Variants in SLC41A3 observed in about 807,000 individuals in gnomAD.
SLC41A3 encodes the protein solute carrier family 41 member 3, also known as SLC41A1-like 2.
In SLC41A3, 44 loss-of-function variants were observed where a neutral mutation model predicts 45.4. The observed-to-expected ratio is 0.97, with a 90% confidence interval of 0.76 to 1.25. The LOEUF is 1.25. Among genes scored for constraint, SLC41A3 ranks in the 50% most tolerant of loss-of-function variants. The pLI is 0.00. For missense variants in SLC41A3, 550 were observed against 600.6 expected (o/e 0.92, Z 0.88); for synonymous variants, 256 against 252.4 (o/e 1.01, Z -0.13).
chr3:126,024,911 G>A lies in SLC41A3; in HGVS notation c.598+1424C>T, dbSNP rs528455385. 4 of 152,322 alleles carry A rather than the reference G, an allele frequency of 2.6e-5. No individual in the cohort carries two copies. In the South Asian group the frequency reaches 6.2e-4, roughly 24 times the overall value. The allele number at this position is 152,322 out of a possible 1,614,324, so 9.4% of individuals were successfully genotyped here. ...GTTCCCATCAGTGGAAATGCCTGTC[G>A]GGTGTGGGGAGAGACAGTACACACA... is the stretch of plus-strand genomic sequence containing the variant. On this transcript the variant is annotated intron_variant, in intron 5 of 10. Transcript: ENST00000360370.
At chr3:126,027,652 G>A (rs891013030) in intron 4 of SLC41A3, among the ~76,000 whole-genome samples, 7 of 152,138 alleles carry the variant, frequency 4.6e-5, no homozygotes, top group African/African-American at 1.4e-4. Context: ...AGCAGAGGGT[G>A]GAAGAGTTTG....
intron 8 of SLC41A3, among the ~76,000 whole-genome samples, chr3:126,013,284 G>T (rs1939911281): frequency 6.6e-6 from 1 of 151,996 alleles, no homozygotes; most frequent in Non-Finnish European, 1.5e-5. Flanking sequence ...AGGGGGCCAG[G>T]CATGGTGGCT....
At chr3:126,073,357 C>G (rs1235942997) in intron 1 of SLC41A3, 1 of 152,150 alleles carries the variant, frequency 6.6e-6, no homozygotes, top group Non-Finnish European at 1.5e-5. Context: ...GGCGCTTGAG[C>G]GTGGGAGGCG....
intron 6 of SLC41A3, among the ~76,000 whole-genome samples, chr3:126,022,299 C>T (rs1940954746): frequency 1.3e-5 from 2 of 152,212 alleles, no homozygotes; most frequent in Non-Finnish European, 2.9e-5. Context: ...CAGTAACACC[C>T]TACTTCTCAG....
rs1033723519 is a variant in SLC41A3, at chr3:126,096,835, T to C, written c.-79+4594A>G. ...ACACCTCTGTATTTCTGTGTGTGTG[T>C]AATTCCTCTAATGCTGCTGGGTTAG... On this transcript the variant is annotated intron_variant, in intron 1 of 9. Coordinates refer to the SLC41A3 transcript ENST00000508835. Among the ~76,000 whole-genome samples the C allele has an allele frequency of 2.0e-5, 3 of 152,342 alleles. No individual in the cohort carries two copies. The South Asian group carries it at 6.2e-4, about 32-fold the overall frequency.
chr3:126,060,480 G>A (rs1195817248), intron 2 of SLC41A3, among the ~76,000 whole-genome samples: 1 of 117,432 alleles, frequency 8.5e-6, no homozygotes, highest in African/African-American at 3.3e-5. Flanking sequence ...ACAGTGAAAC[G>A]TTCAGAAGGA....
At chr3:126,039,874 G>A (rs576644419) in intron 3 of SLC41A3, among the ~76,000 whole-genome samples, 18 of 152,300 alleles carry the variant, frequency 1.2e-4, no homozygotes, top group Admixed American at 2.6e-4. Flanking sequence ...ACATACATAC[G>A]TTTCCTAGTT....
chr3:126,030,871 G>T (rs566428629), intron 4 of SLC41A3, among the ~76,000 whole-genome samples: 1 of 152,156 alleles, frequency 6.6e-6, no homozygotes, highest in African/African-American at 2.4e-5. Context: ...CATTGAAGGG[G>T]GTCAATGTTG....
intron 1 of SLC41A3, among the ~76,000 whole-genome samples, chr3:126,091,952 C>A (rs1576387394): frequency 6.6e-6 from 1 of 152,288 alleles, no homozygotes; most frequent in Non-Finnish European, 1.5e-5. Flanking sequence ...TGAGGCACAT[C>A]CAACTCTCCT....
At chr3:126,077,231 T>G (rs1239708487) in intron 1 of SLC41A3, among the ~76,000 whole-genome samples, 2 of 151,728 alleles carry the variant, frequency 1.3e-5, no homozygotes, top group African/African-American at 4.8e-5. Context: ...ATACAAAAAA[T>G]TAGCCAGGTG....
At chr3:126,012,241 T>C (rs1939786873) in intron 9 of SLC41A3, among the ~76,000 whole-genome samples, 1 of 152,174 alleles carries the variant, frequency 6.6e-6, no homozygotes, top group Non-Finnish European at 1.5e-5. Context: ...TTATCCCAAG[T>C]GTATTTCCTC....
chr3:126,069,691 G>A (rs1661557605), intron 1 of SLC41A3, among the ~76,000 whole-genome samples: 1 of 152,060 alleles, frequency 6.6e-6, no homozygotes, highest in Non-Finnish European at 1.5e-5. Flanking sequence ...TATGTTCCAA[G>A]AACTTAAGAA....
intron 4 of SLC41A3, among the ~76,000 whole-genome samples, chr3:126,030,832 C>A (rs780929165): frequency 3.3e-5 from 5 of 152,242 alleles, no homozygotes; most frequent in Admixed American, 3.3e-4. Flanking sequence ...TACATATTGA[C>A]AAGTATGTGA....
rs749869890 is a variant in SLC41A3, at chr3:126,022,908, A to G, written c.623T>C (p.Ile208Thr). 12 of 1,614,100 alleles carry G rather than the reference A, an allele frequency of 7.4e-6. No individual in the cohort carries two copies. The highest frequency in any genetic ancestry group is 3.3e-5 in the South Asian group (3 of 91,088). The stretch of plus-strand genomic sequence containing the variant: ...GTTGACCCCGAGCTTTCGAGCACCA[A>G]TCACTATACAGACCATCAGCACCCC... ...ALGVLMVCIV[I>T]GARKLGVNPD... The change falls in exon 6 of 11, where the codon ATT (isoleucine) becomes ACT (threonine). Residue 208 changes from isoleucine (I) to threonine (T), a missense_variant. By Grantham distance (89) the Ile-to-Thr change is moderately conservative. Coordinates refer to ENST00000360370, the MANE Select transcript of SLC41A3 (RefSeq NM_017836.4).
At chr3:126,072,680 T>A (rs1169345400) in intron 1 of SLC41A3, among the ~76,000 whole-genome samples, 1 of 152,214 alleles carries the variant, frequency 6.6e-6, no homozygotes, top group Non-Finnish European at 1.5e-5. Context: ...GGAATGTAAA[T>A]TAGTTCAGCC....
At chr3:126,049,717 T>C (rs1177634111) in intron 3 of SLC41A3, among the ~76,000 whole-genome samples, 3 of 152,196 alleles carry the variant, frequency 2.0e-5, no homozygotes, top group Non-Finnish European at 4.4e-5. Flanking sequence ...ATGTGTTAGT[T>C]TCCTCTCGCT....
chr3:126,056,564 G>A, intron 2 of SLC41A3: 1 of 1,611,760 alleles, frequency 6.2e-7, no homozygotes, highest in East Asian at 2.2e-5. Context: ...GCCAGGCAAT[G>A]CACCACGATC....
At chr3:126,080,333 AAT>A (rs1267683161) in intron 1 of SLC41A3, among the ~76,000 whole-genome samples, 1 of 151,630 alleles carries the variant, frequency 6.6e-6, no homozygotes, top group Non-Finnish European at 1.5e-5. Context: ...TAATAACCAG[AAT>A]ATATAGTACC....
At chr3:126,067,505 G>GCAGC (rs1015937889) in intron 2 of SLC41A3, 6 of 386,860 alleles carry the variant, frequency 1.6e-5, no homozygotes, top group African/African-American at 4.2e-5. Flanking sequence ...CGGAGAAAAG[G>GCAGC]CAGCCGTCTG....
Sources: allele counts gnomAD v4.1 joint callset (sites outside exome capture counted in the v4.1 genomes callset), GRCh38; gene constraint gnomAD v4.1.1; transcripts MANE v1.5; gene names NCBI Gene and HGNC (gene_info 2026-07-23, HGNC 2026-07-21).